GALNT18: variants seen among roughly 807,000 people sequenced by gnomAD.
The protein encoded by GALNT18 is polypeptide N-acetylgalactosaminyltransferase 18, also known as GalNAc-transferase 18.
GALNT18 carries 44 observed loss-of-function variants against 69.5 expected under a neutral mutation model. That is an observed-to-expected ratio of 0.63 (90% CI 0.50 to 0.81). The LOEUF (loss-of-function observed/expected upper bound fraction) is 0.81. Ranked by LOEUF, GALNT18 falls within the 40% of genes least tolerant of loss-of-function variation. The pLI is 0.00. For missense variants in GALNT18, 715 were observed against 810.0 expected (o/e 0.88, Z 1.42); for synonymous variants, 364 against 318.2 (o/e 1.14, Z -1.53).
chr11:11,506,432 A>G (rs1380026257), intron 1 of GALNT18, among the ~76,000 whole-genome samples: 1 of 152,140 alleles, frequency 6.6e-6, no homozygotes, highest in Non-Finnish European at 1.5e-5. Context: ...CCAGATGACT[A>G]TACTTCCCCC....
intron 1 of GALNT18, among the ~76,000 whole-genome samples, chr11:11,576,941 C>T (rs1043566532): frequency 1.3e-5 from 2 of 152,138 alleles, no homozygotes; most frequent in Non-Finnish European, 2.9e-5. Flanking sequence ...GAAGGCAGGC[C>T]TTCACGACTG....
Position 11,416,890 on chromosome 11 carries a change from C to T in GALNT18, c.595+15731G>A, listed in dbSNP as rs557890891. Among the ~76,000 whole-genome samples, 11 of 152,344 alleles carry T rather than the reference C, an allele frequency of 7.2e-5. No homozygotes were observed. The South Asian group carries it at 8.3e-4, about 11-fold the overall frequency. On this transcript the variant is annotated intron_variant, in intron 3 of 10. Coordinates refer to ENST00000227756, the MANE Select transcript of GALNT18 (RefSeq NM_198516.3). ...AACCCATGAATAGGACTGAGCCCTG[C>T]CCCATCCCCTCCCCCAGCCCTTGCT...
chr11:11,619,260 G>A lies in GALNT18; in HGVS notation c.235+2099C>T, dbSNP rs1177231072. Among the ~76,000 whole-genome samples, 3 of 152,174 alleles carry A rather than the reference G, an allele frequency of 2.0e-5. No homozygotes were observed. Among genetic ancestry groups the A allele is most frequent in the South Asian group, 2.1e-4 (1 of 4,832 alleles). On this transcript the variant is annotated intron_variant, in intron 1 of 10. Transcript: ENST00000227756. The surrounding 1 kb of genome is among the most constrained non-coding windows in gnomAD (Gnocchi z 4.9). ...TGAATACCCACAGGGGTCATTGCAC[G>A]TGTACAAGTGGAACAACACGTGTTT... is the stretch of plus-strand genomic sequence containing the variant.
At chr11:11,400,551 T>C (rs995201115) in intron 3 of GALNT18, among the ~76,000 whole-genome samples, 3 of 152,178 alleles carry the variant, frequency 2.0e-5, no homozygotes, top group Non-Finnish European at 2.9e-5. Context: ...ACAACAGAAA[T>C]TTATTTCTCA....
At chr11:11,508,518 T>C (rs1250487168) in intron 1 of GALNT18, among the ~76,000 whole-genome samples, 2 of 152,236 alleles carry the variant, frequency 1.3e-5, no homozygotes, top group African/African-American at 4.8e-5. Context: ...CATTCGTTTG[T>C]AATTAATAAG....
At position 11,504,624 on chromosome 11, in the gene GALNT18, G is replaced by T. The variant is rs1857035733; in HGVS notation, c.236-55688C>A. Among the ~76,000 whole-genome samples the T allele has an allele frequency of 2.0e-5, 3 of 152,032 alleles. No homozygotes were observed. The South Asian group carries it at 6.2e-4, about 32-fold the overall frequency. On this transcript the variant is annotated intron_variant, in intron 1 of 10. Transcript: ENST00000227756. ...ATACAAAAAATTAGCCAGGCATGGT[G>T]GTATGCACCTGTAGTCCCAGCTACT...
intron 1 of GALNT18, among the ~76,000 whole-genome samples, chr11:11,580,373 C>G (rs973449716): frequency 3.3e-5 from 5 of 152,210 alleles, no homozygotes; most frequent in African/African-American, 1.2e-4. Context: ...ATTTGCTTTC[C>G]TAAGACCGTC....
intron 9 of GALNT18, among the ~76,000 whole-genome samples, chr11:11,299,454 A>G (rs569537126): frequency 2.0e-5 from 3 of 152,236 alleles, no homozygotes; most frequent in Admixed American, 6.5e-5. Flanking sequence ...CCCATTGTGT[A>G]TCTTTTATCC....
In GALNT18 at chr11:11,372,695, G is replaced by T. The variant is rs1270257833; in HGVS notation, c.978-66C>A. The T allele has an allele frequency of 8.1e-7, 1 of 1,241,652 alleles. No individual in the cohort carries two copies. The highest frequency in any genetic ancestry group is 1.2e-6 in the Non-Finnish European group (1 of 853,674). The allele number at this position is 1,241,652 out of a possible 1,614,324, so 76.9% of individuals were successfully genotyped here. A position where few individuals can be genotyped will look rare whatever the true frequency, so the allele number is the denominator to read the frequency against. ...CTGTCCGAGGAGTAAGAGCAGTAAG[G>T]CCTTCCTATCAGGAGGGTCTGGTTC... On this transcript the variant is annotated intron_variant, in intron 5 of 10. Transcript: ENST00000227756. The surrounding 1 kb of genome is among the most constrained non-coding windows in gnomAD (Gnocchi z 4.9).
At position 11,396,313 on chromosome 11, in the gene GALNT18, AG is replaced by A. The variant is rs1348938795; in HGVS notation, c.596-17050del. 6.6e-6 allele frequency among the ~76,000 whole-genome samples: 1 copy of A among 152,190 alleles called. No homozygotes were observed. The highest frequency in any genetic ancestry group is 1.5e-5 in the Non-Finnish European group (1 of 68,032). On this transcript the variant is annotated intron_variant, in intron 3 of 10. Coordinates refer to ENST00000227756, the MANE Select transcript of GALNT18 (RefSeq NM_198516.3). This position sits in a 1 kb window ranked among gnomAD's most constrained non-coding sequence, Gnocchi z 5.2. Reference sequence around the variant, plus strand: ...GGGATCCACAAGACATGGATCAAGAAGGGCAACATTTCGAGAGGTGAGGAAG... The same window carrying A: ...GGGATCCACAAGACATGGATCAAGAAGGCAACATTTCGAGAGGTGAGGAAG...
At position 11,402,975 on chromosome 11, in the gene GALNT18, C is replaced by T. The variant is rs1854501530; in HGVS notation, c.596-23711G>A. Among the ~76,000 whole-genome samples, 1 of 152,148 alleles carries T rather than the reference C, an allele frequency of 6.6e-6. No individual in the cohort carries two copies. The highest frequency in any genetic ancestry group is 2.1e-4 in the South Asian group (1 of 4,828). On this transcript the variant is annotated intron_variant, in intron 3 of 10. Coordinates refer to ENST00000227756, the MANE Select transcript of GALNT18 (RefSeq NM_198516.3). This position sits in a 1 kb window ranked among gnomAD's most constrained non-coding sequence, Gnocchi z 4.0. ...CCCCTGAGGAAAGTGAGCCTCAGAA[C>T]TGGGAAAGAAAAGTGATCCTTTAGG...
intron 1 of GALNT18, among the ~76,000 whole-genome samples, chr11:11,579,849 G>A (rs2133905681): frequency 6.6e-6 from 1 of 152,274 alleles, no homozygotes; most frequent in South Asian, 2.1e-4. Flanking sequence ...CCTGGGAGCA[G>A]GGGTTGTGAA....
chr11:11,479,413 T>C (rs1309328120), intron 1 of GALNT18, among the ~76,000 whole-genome samples: 1 of 152,128 alleles, frequency 6.6e-6, no homozygotes, highest in Non-Finnish European at 1.5e-5. Context: ...AAGAAATCAA[T>C]ACATAATGTC....
At chr11:11,576,168 G>C (rs894462271) in intron 1 of GALNT18, among the ~76,000 whole-genome samples, 2 of 152,184 alleles carry the variant, frequency 1.3e-5, no homozygotes, top group African/African-American at 4.8e-5. Context: ...AGCCCAGGCT[G>C]CCCTTCTCTA....
Position 11,314,295 on chromosome 11 carries a change from A to C in GALNT18, c.1512+12791T>G, listed in dbSNP as rs961906126. Among the ~76,000 whole-genome samples, 1 of 152,240 alleles carries C rather than the reference A, an allele frequency of 6.6e-6. No homozygotes were observed. The highest frequency in any genetic ancestry group is 2.4e-5 in the African/African-American group (1 of 41,460). On this transcript the variant is annotated intron_variant, in intron 9 of 10. Transcript: ENST00000227756. This position sits in a 1 kb window ranked among gnomAD's most constrained non-coding sequence, Gnocchi z 5.2. ...GCAGGAGTTTAATAAAAGTCATGCA[A>C]AACTCACTGTTTACAACTCTAATTG...
intron 1 of GALNT18, among the ~76,000 whole-genome samples, chr11:11,492,789 T>C (rs930850584): frequency 3.9e-5 from 6 of 151,996 alleles, no homozygotes; most frequent in Non-Finnish European, 8.8e-5. Flanking sequence ...GACAAATACC[T>C]AACGTATCTG....
At chr11:11,305,301 A>G (rs1353749699) in intron 9 of GALNT18, among the ~76,000 whole-genome samples, 2 of 152,358 alleles carry the variant, frequency 1.3e-5, no homozygotes, top group Admixed American at 6.5e-5. Context: ...AGGTCAGGGA[A>G]GAAACAGACA....
At chr11:11,364,823 T>C (rs1021979251) in intron 6 of GALNT18, among the ~76,000 whole-genome samples, 4 of 152,184 alleles carry the variant, frequency 2.6e-5, no homozygotes, top group Admixed American at 6.5e-5. Flanking sequence ...TGAAATGATA[T>C]GATGTCTGGG....
At chr11:11,334,849 A>C (rs1850082557) in intron 7 of GALNT18, among the ~76,000 whole-genome samples, 1 of 152,196 alleles carries the variant, frequency 6.6e-6, no homozygotes, top group Non-Finnish European at 1.5e-5. Context: ...CCTAGCACTG[A>C]GCATGAGCTA....
Sources: allele counts gnomAD v4.1 joint callset (sites outside exome capture counted in the v4.1 genomes callset), GRCh38; gene constraint gnomAD v4.1.1; non-coding constraint Gnocchi (gnomAD v3.1); transcripts MANE v1.5; gene names NCBI Gene and HGNC (gene_info 2026-07-23, HGNC 2026-07-21).